The following SGCZ variants were observed in gnomAD, a reference collection of about 807,000 sequenced individuals.
SGCZ encodes the protein sarcoglycan zeta.
In SGCZ, 40 loss-of-function variants were observed where a neutral mutation model predicts 41.3. The ratio of observed to expected loss-of-function variants is 0.97; its 90% confidence interval spans 0.75 to 1.26. The LOEUF (loss-of-function observed/expected upper bound fraction) is 1.26. SGCZ is among the 50% of genes most tolerant of loss of function. The pLI, the probability that SGCZ is intolerant of heterozygous loss-of-function variation, is 0.00. For missense variants in SGCZ, 552 were observed against 369.8 expected (o/e 1.49, Z -4.04); for synonymous variants, 206 against 137.5 (o/e 1.50, Z -3.49).
chr8:14,498,466 A>G (rs1196161566), intron 2 of SGCZ, among the ~76,000 whole-genome samples: 1 of 152,140 alleles, frequency 6.6e-6, no homozygotes, highest in African/African-American at 2.4e-5. Flanking sequence ...ATTGACAACC[A>G]TGACAGAAAA....
intron 1 of SGCZ, among the ~76,000 whole-genome samples, chr8:14,776,831 G>C (rs1800418273): frequency 6.6e-6 from 1 of 152,226 alleles, no homozygotes; most frequent in East Asian, 1.9e-4. Flanking sequence ...TCAAAAAGTA[G>C]AAATGGTTAA....
intron 2 of SGCZ, among the ~76,000 whole-genome samples, chr8:14,343,257 A>C (rs1802773011): frequency 6.6e-6 from 1 of 152,198 alleles, no homozygotes; most frequent in Non-Finnish European, 1.5e-5. Context: ...GAGCCCCCAC[A>C]CAGAGTTCCT....
At chr8:14,921,823 C>G (rs949116860) in intron 1 of SGCZ, among the ~76,000 whole-genome samples, 4 of 151,950 alleles carry the variant, frequency 2.6e-5, no homozygotes, top group Admixed American at 2.6e-4. Flanking sequence ...TTAATGGCGA[C>G]TTTAGAAAAG....
rs535196687 is a variant in SGCZ, at chr8:15,169,158, G to C, written c.39+68427C>G. 4.6e-5 allele frequency among the ~76,000 whole-genome samples: 7 copies of C among 152,260 alleles called. No individual in the cohort carries two copies. The South Asian group carries it at 1.2e-3, about 27-fold the overall frequency. ...GGCCTCTAAGGAAGCTCTGACTGCC[G>C]CTTCCCCCAAAACAGCGCCCCCTGT... On this transcript the variant is annotated intron_variant, in intron 1 of 7. Transcript: ENST00000382080.
intron 1 of SGCZ, among the ~76,000 whole-genome samples, chr8:15,153,497 C>T (rs1799239094): frequency 6.6e-6 from 1 of 152,110 alleles, no homozygotes; most frequent in Non-Finnish European, 1.5e-5. Context: ...TGTCCCCATC[C>T]AAATCTCATG....
intron 1 of SGCZ, among the ~76,000 whole-genome samples, chr8:14,753,155 C>T (rs1361002157): frequency 6.6e-6 from 1 of 152,118 alleles, no homozygotes; most frequent in African/African-American, 2.4e-5. Context: ...TGGGCTCTAT[C>T]CTTAGCCTGA....
intron 5 of SGCZ, among the ~76,000 whole-genome samples, chr8:14,129,345 C>CAAAAAAAA (rs534660638): frequency 1.4e-4 from 6 of 44,144 alleles, no homozygotes; most frequent in East Asian, 1.4e-3. Context: ...GACTCCGTCT[C>CAAAAAAAA]AAAAAAAAAA....
chr8:14,300,974 A>T (rs911251380), intron 3 of SGCZ, among the ~76,000 whole-genome samples: 5 of 151,964 alleles, frequency 3.3e-5, no homozygotes, highest in South Asian at 2.1e-4. Flanking sequence ...CTCCAACCAG[A>T]AAAGATATAG....
At chr8:15,097,789 T>G (rs112684686) in intron 1 of SGCZ, among the ~76,000 whole-genome samples, 1 of 138,592 alleles carries the variant, frequency 7.2e-6, no homozygotes, top group Non-Finnish European at 1.5e-5. Flanking sequence ...TACGTGTATA[T>G]ATATATACGT....
chr8:14,715,582 G>A (rs954010840), intron 1 of SGCZ, among the ~76,000 whole-genome samples: 2 of 149,648 alleles, frequency 1.3e-5, no homozygotes, highest in Non-Finnish European at 1.5e-5. Flanking sequence ...ATAAAAACAG[G>A]ATTCTGTAGA....
At chr8:14,643,852 G>A (rs544234824) in intron 1 of SGCZ, among the ~76,000 whole-genome samples, 10 of 151,716 alleles carry the variant, frequency 6.6e-5, no homozygotes, top group Middle Eastern at 3.4e-3. Context: ...ACAGCTTAAC[G>A]TGCTGAATAA....
At chr8:14,133,062 A>T (rs1255088965) in intron 5 of SGCZ, among the ~76,000 whole-genome samples, 2 of 152,162 alleles carry the variant, frequency 1.3e-5, no homozygotes, top group Non-Finnish European at 2.9e-5. Context: ...CACGTTTCTC[A>T]GTTATTGCAG....
At chr8:15,181,909 T>TTAGA (rs1267423559) in intron 1 of SGCZ, among the ~76,000 whole-genome samples, 35 of 152,326 alleles carry the variant, frequency 2.3e-4, no homozygotes, top group Admixed American at 1.4e-3. Context: ...CTTCTTCTAA[T>TTAGA]GCTTTTAATT....
rs936660658 is a variant in SGCZ, at chr8:14,773,757, G to T, written c.40-218831C>A. ...TGAGGGGCCTCCTTCTATCTGTAAG[G>T]CAAAGTCAGCAGAGACTCTTAACCA... On this transcript the variant is annotated intron_variant, in intron 1 of 7. Transcript: ENST00000382080. Among the ~76,000 whole-genome samples the T allele has an allele frequency of 3.3e-5, 5 of 152,256 alleles. No individual in the cohort carries two copies. In the South Asian group the frequency reaches 1.0e-3, roughly 32 times the overall value.
intron 1 of SGCZ, among the ~76,000 whole-genome samples, chr8:14,798,955 T>A (rs1017483365): frequency 1.6e-4 from 25 of 151,938 alleles, no homozygotes; most frequent in Non-Finnish European, 2.2e-4. Flanking sequence ...CCTACATATT[T>A]TACTTCATAT....
intron 1 of SGCZ, among the ~76,000 whole-genome samples, chr8:14,634,357 T>G (rs899351488): frequency 6.6e-6 from 1 of 151,920 alleles, no homozygotes; most frequent in Non-Finnish European, 1.5e-5. Flanking sequence ...TCTTTGTTTA[T>G]TTTGTATTTT....
At chr8:14,377,104 G>T (rs1163420663) in intron 2 of SGCZ, among the ~76,000 whole-genome samples, 1 of 152,140 alleles carries the variant, frequency 6.6e-6, no homozygotes, top group East Asian at 1.9e-4. Context: ...AGACCGGGTT[G>T]CAAGAAGAAC....
chr8:14,787,075 T>C (rs1194149928), intron 1 of SGCZ, among the ~76,000 whole-genome samples: 3 of 151,950 alleles, frequency 2.0e-5, no homozygotes, highest in Non-Finnish European at 2.9e-5. Context: ...AGCATGAAAA[T>C]AGATGGTTCA....
chr8:14,278,707 A>T (rs1455099659), intron 3 of SGCZ, among the ~76,000 whole-genome samples: 2 of 152,122 alleles, frequency 1.3e-5, no homozygotes, highest in Non-Finnish European at 2.9e-5. Flanking sequence ...TATCTAACTG[A>T]ATATGCTTCT....
Sources: gnomAD v4.1 joint callset for allele counts (sites outside exome capture counted in the v4.1 genomes callset) on GRCh38, gnomAD v4.1.1 for gene constraint, MANE v1.5 for transcripts, NCBI Gene and HGNC (gene_info 2026-07-23, HGNC 2026-07-21) for gene names.